Variants in GABRB1 observed in about 807,000 individuals in gnomAD.
GABRB1 encodes the protein gamma-aminobutyric acid receptor subunit beta-1.
A neutral mutation model predicts 51.6 loss-of-function variants in GABRB1; 17 were observed. The ratio of observed to expected loss-of-function variants is 0.33; its 90% CI spans 0.23 to 0.49. The LOEUF (loss-of-function observed/expected upper bound fraction) is 0.49. Ranked by LOEUF, GABRB1 falls within the 20% of genes least tolerant of loss-of-function variation. The pLI, the probability that GABRB1 is intolerant of heterozygous loss-of-function variation, is 0.99. For missense variants in GABRB1, 410 were observed against 600.6 expected (o/e 0.68, Z 3.32); for synonymous variants, 247 against 218.9 (o/e 1.13, Z -1.14).
rs200567591 is a variant in GABRB1 at position 47,195,445 on chromosome 4, TGATAGATAGATTAGATGATAGATAGATA to T, written c.461+33988_461+34015del. On this transcript the variant is annotated intron_variant, in intron 4 of 8. Coordinates refer to ENST00000295454, the MANE Select transcript of GABRB1 (RefSeq NM_000812.4). ...ATAGATAGATAGATAGATAGATAGA[TGATAGATAGATTAGATGATAGATAGATA>T]GATAGATAGATAGATAGATAGATAG... Among the ~76,000 whole-genome samples the T allele has an allele frequency of 6.6e-3, 851 of 129,676 alleles. 11 individuals carry two copies. The highest frequency in any genetic ancestry group is 0.023 in the African/African-American group (750 of 32,432). The allele number at this position is 129,676 out of a possible 152,430, so 85.1% of individuals were successfully genotyped here.
At chr4:47,303,116 T>A (rs1724323005) in intron 4 of GABRB1, among the ~76,000 whole-genome samples, 2 of 151,942 alleles carry the variant, frequency 1.3e-5, no homozygotes, top group Non-Finnish European at 2.9e-5. Context: ...ATTTATTTAC[T>A]CTGAATTTCT....
chr4:47,061,741 G>C (rs1345278184), intron 3 of GABRB1, among the ~76,000 whole-genome samples: 1 of 152,112 alleles, frequency 6.6e-6, no homozygotes, highest in Admixed American at 6.5e-5. Context: ...TGTGGGGGGT[G>C]GTCTTCTTAG....
chr4:47,074,034 A>G lies in GABRB1; in HGVS notation c.240+41550A>G, dbSNP rs911709003. Among the ~76,000 whole-genome samples, 4 of 152,238 alleles carry G rather than the reference A, an allele frequency of 2.6e-5. No individual in the cohort carries two copies. The East Asian group carries it at 7.7e-4, about 29-fold the overall frequency. Reference sequence around the variant, plus strand: ...ATCATTGGATTATTTATAAGTTACAATATGTAATTTAAATATGTGTAAGAT... The same window carrying G: ...ATCATTGGATTATTTATAAGTTACAGTATGTAATTTAAATATGTGTAAGAT... On this transcript the variant is annotated intron_variant, in intron 3 of 8. Coordinates refer to ENST00000295454, the MANE Select transcript of GABRB1 (RefSeq NM_000812.4).
chr4:47,300,571 T>A (rs1283857850), intron 4 of GABRB1, among the ~76,000 whole-genome samples: 1 of 152,178 alleles, frequency 6.6e-6, no homozygotes, highest in Non-Finnish European at 1.5e-5. Context: ...ATATTGAGTC[T>A]TTATAATGTA....
intron 4 of GABRB1, among the ~76,000 whole-genome samples, chr4:47,302,915 A>T (rs1223282129): frequency 6.6e-6 from 1 of 151,976 alleles, no homozygotes; most frequent in Non-Finnish European, 1.5e-5. Flanking sequence ...ACAGAAATTA[A>T]CTATGTTTAA....
intron 3 of GABRB1, among the ~76,000 whole-genome samples, chr4:47,096,866 C>T (rs1714464557): frequency 6.6e-6 from 1 of 152,168 alleles, no homozygotes; most frequent in Admixed American, 6.6e-5. Flanking sequence ...CCTAGAGCCT[C>T]CATCCAGAAA....
intron 3 of GABRB1, among the ~76,000 whole-genome samples, chr4:47,157,760 T>A (rs1378310993): frequency 1.3e-5 from 2 of 152,078 alleles, no homozygotes; most frequent in Non-Finnish European, 2.9e-5. Flanking sequence ...ACAATTATTA[T>A]TATCTTCAAA....
At chr4:47,172,350 TA>T (rs1446690421) in intron 4 of GABRB1, among the ~76,000 whole-genome samples, 9 of 152,192 alleles carry the variant, frequency 5.9e-5, no homozygotes, top group African/African-American at 1.9e-4. Flanking sequence ...ATTGCTTTGT[TA>T]CACCTAAAAA....
intron 4 of GABRB1, among the ~76,000 whole-genome samples, chr4:47,305,138 G>T (rs1366221292): frequency 6.6e-6 from 1 of 152,028 alleles, no homozygotes; most frequent in African/African-American, 2.4e-5. Context: ...TAGACTATTC[G>T]ATGTGTATAC....
chr4:47,307,325 A>G (rs1347975724), intron 4 of GABRB1, among the ~76,000 whole-genome samples: 2 of 152,112 alleles, frequency 1.3e-5, no homozygotes, highest in Non-Finnish European at 2.9e-5. Context: ...TAGCTTTTAA[A>G]TGTGGTCATT....
intron 8 of GABRB1, among the ~76,000 whole-genome samples, chr4:47,407,653 T>C (rs1219348582): frequency 6.6e-6 from 1 of 152,184 alleles, no homozygotes; most frequent in Non-Finnish European, 1.5e-5. Context: ...GCACAGAGGG[T>C]GACAACTGTT....
At chr4:47,217,331 C>A (rs1367156545) in intron 4 of GABRB1, among the ~76,000 whole-genome samples, 1 of 151,614 alleles carries the variant, frequency 6.6e-6, no homozygotes, top group Non-Finnish European at 1.5e-5. Context: ...ATACATGTAA[C>A]AATAATAATC....
chr4:47,049,785 T>C (rs559206099), intron 3 of GABRB1, among the ~76,000 whole-genome samples: 79 of 152,308 alleles, frequency 5.2e-4, no homozygotes, highest in Middle Eastern at 3.4e-3. Context: ...ATTTATAAAG[T>C]AGAAGACAGT....
chr4:47,161,507 T>A, intron 4 of GABRB1, 38 bp downstream of exon 4: 1 of 1,558,134 alleles, frequency 6.4e-7, no homozygotes, highest in Non-Finnish European at 8.8e-7. Context: ...ATGTTGTTGT[T>A]GTTTTGTTTC....
intron 4 of GABRB1, among the ~76,000 whole-genome samples, chr4:47,273,974 C>T (rs1202186818): frequency 6.6e-6 from 1 of 151,806 alleles, no homozygotes; most frequent in East Asian, 1.9e-4. Flanking sequence ...ATTATGCATG[C>T]ATACACATAC....
At chr4:47,372,613 G>A (rs1321788125) in intron 5 of GABRB1, among the ~76,000 whole-genome samples, 1 of 152,150 alleles carries the variant, frequency 6.6e-6, no homozygotes, top group Non-Finnish European at 1.5e-5. Flanking sequence ...GCAACAGGAG[G>A]AAAAGAGTCA....
At chr4:47,150,185 ACACACAC>A (rs1403358358) in intron 3 of GABRB1, among the ~76,000 whole-genome samples, 47 of 4,560 alleles carry the variant, frequency 0.01, no homozygotes, top group African/African-American at 1.0e-2. Flanking sequence ...CACACACAAC[ACACACAC>A]ACACACACAC....
intron 4 of GABRB1, among the ~76,000 whole-genome samples, chr4:47,273,717 C>T (rs932786059): frequency 6.6e-6 from 1 of 151,998 alleles, no homozygotes; most frequent in African/African-American, 2.4e-5. Flanking sequence ...AAGAGAGTCA[C>T]ACAATTGAAA....
At chr4:47,307,219 A>G (rs1004915713) in intron 4 of GABRB1, among the ~76,000 whole-genome samples, 1 of 152,216 alleles carries the variant, frequency 6.6e-6, no homozygotes, top group Admixed American at 6.6e-5. Flanking sequence ...ATTTTTAAAA[A>G]ACTAGTGTTT....
Sources: gnomAD v4.1 joint callset for allele counts (sites outside exome capture counted in the v4.1 genomes callset) on GRCh38, gnomAD v4.1.1 for gene constraint, MANE v1.5 for transcripts, NCBI Gene and HGNC (gene_info 2026-07-23, HGNC 2026-07-21) for gene names.